The following GRM5 variants were observed in gnomAD, a reference collection of about 807,000 sequenced individuals.
GRM5 encodes metabotropic glutamate receptor 5.
A neutral mutation model predicts 83.1 loss-of-function variants in GRM5; 19 were observed. The observed-to-expected ratio is 0.23, with a 90% CI of 0.16 to 0.34. GRM5 has a LOEUF of 0.34. GRM5 is among the 10% of genes least tolerant of loss of function. The probability of loss-of-function intolerance (pLI) is 1.00; values close to 1 mark genes in which losing one functional copy is unlikely to be tolerated. For synonymous variants in GRM5, 675 were observed against 633.6 expected, an observed-to-expected ratio of 1.07 and a Z score of -0.98; for missense variants, 1,160 against 1,588.3, an observed-to-expected ratio of 0.73 and a Z score of 4.58.
intron 9 of GRM5, among the ~76,000 whole-genome samples, chr11:88,524,664 A>G (rs1406293636): frequency 1.3e-5 from 2 of 152,374 alleles, no homozygotes; most frequent in Admixed American, 1.3e-4. Context: ...GAACATGCAC[A>G]GCACAGCGAC....
Position 88,508,657 on chromosome 11 carries a change from G to A in GRM5, c.3574C>T (p.Pro1192Ser). 4.3e-6 allele frequency: 7 copies of A among 1,609,506 alleles called. No homozygotes were observed. The highest frequency in any genetic ancestry group is 5.9e-6 in the Non-Finnish European group (7 of 1,177,994). The change falls in exon 10 of 10, where the codon CCG becomes TCG. Residue 1192 changes from proline (P) to serine (S), a missense_variant. Pro to Ser is a moderately conservative substitution (Grantham distance 74). Transcript: ENST00000305447. This position sits in a 1 kb window ranked among gnomAD's most constrained non-coding sequence, Gnocchi z 4.2. ...AGAGTGTCATATTTGGGAGACGACG[G>A]GATACAGAGGGCCGACTCGGACACT... ...SPVSESALCIPSSPKYDTLII... is the reference protein window; with the variant it reads ...SPVSESALCISSSPKYDTLII...
chr11:88,581,535 T>C (rs568290832), intron 7 of GRM5, among the ~76,000 whole-genome samples: 4 of 152,228 alleles, frequency 2.6e-5, no homozygotes, highest in African/African-American at 4.8e-5. Flanking sequence ...GATTGGTATT[T>C]TATGCAGCAC....
chr11:88,955,792 C>T (rs1407630880), intron 2 of GRM5, among the ~76,000 whole-genome samples: 1 of 152,180 alleles, frequency 6.6e-6, no homozygotes, highest in Non-Finnish European at 1.5e-5. Flanking sequence ...TCTTTTCTCT[C>T]ATCAGAATTC....
intron 3 of GRM5, among the ~76,000 whole-genome samples, chr11:88,653,971 G>A (rs1022227203): frequency 6.6e-6 from 1 of 152,036 alleles, no homozygotes; most frequent in East Asian, 1.9e-4. Flanking sequence ...CCCAAGCCTC[G>A]AACTGAAATC....
rs76641666 is a variant in GRM5, at chr11:88,525,771, A to G, written c.2631-367T>C. ...ATTCAGTGCTTACCATGTGTCAGAC[A>G]CTATGCTAGAACTTTACCTAAATTG... On this transcript the variant is annotated intron_variant, in intron 8 of 9. Coordinates refer to ENST00000305447, the MANE Select transcript of GRM5 (RefSeq NM_001143831.3). Among the ~76,000 whole-genome samples, 600 of 152,364 alleles carry G rather than the reference A, an allele frequency of 3.9e-3. 5 individuals are homozygous for G. The highest frequency in any genetic ancestry group is 0.014 in the African/African-American group (574 of 41,586).
chr11:88,727,070 C>T (rs1269406062), intron 3 of GRM5, among the ~76,000 whole-genome samples: 1 of 152,144 alleles, frequency 6.6e-6, no homozygotes, highest in African/African-American at 2.4e-5. Flanking sequence ...GGGCTAAATG[C>T]CTCAATTAAA....
intron 3 of GRM5, among the ~76,000 whole-genome samples, chr11:88,825,046 G>C (rs1245029014): frequency 1.3e-5 from 2 of 152,112 alleles, no homozygotes; most frequent in Non-Finnish European, 2.9e-5. Flanking sequence ...CACTAAGCAC[G>C]AAGTTTGCAA....
intron 3 of GRM5, among the ~76,000 whole-genome samples, chr11:88,709,483 C>A (rs909882481): frequency 6.6e-6 from 1 of 151,994 alleles, no homozygotes; most frequent in East Asian, 1.9e-4. Flanking sequence ...AGAAAGTAGG[C>A]AACTACACTG....
At chr11:89,021,796 T>A (rs2135109394) in intron 2 of GRM5, among the ~76,000 whole-genome samples, 1 of 152,320 alleles carries the variant, frequency 6.6e-6, no homozygotes, top group South Asian at 2.1e-4. Flanking sequence ...GGTTATAACG[T>A]CTTCCTCACA....
chr11:88,827,971 G>A (rs2135516608), intron 3 of GRM5, among the ~76,000 whole-genome samples: 1 of 152,264 alleles, frequency 6.6e-6, no homozygotes, highest in Non-Finnish European at 1.5e-5. Context: ...TAAATGTGAT[G>A]GTCAGAGATG....
chr11:88,850,684 T>C (rs992391336), intron 2 of GRM5, among the ~76,000 whole-genome samples: 11 of 151,004 alleles, frequency 7.3e-5, no homozygotes, highest in African/African-American at 2.4e-4. Flanking sequence ...GAATTTATGG[T>C]TTGGTCTTAA....
chr11:88,940,802 G>T lies in GRM5; in HGVS notation c.662-90647C>A, dbSNP rs574940936. ...GTATATTGAAAAAAAGTGACTAAAC[G>T]TACATATTTTGATAAATAAGAATAT... On this transcript the variant is annotated intron_variant, in intron 2 of 9. Coordinates refer to ENST00000305447, the MANE Select transcript of GRM5 (RefSeq NM_001143831.3). Among the ~76,000 whole-genome samples the T allele has an allele frequency of 2.6e-5, 4 of 151,922 alleles. No homozygotes were observed. In the East Asian group the frequency reaches 7.8e-4, roughly 29 times the overall value.
At chr11:88,605,930 G>A (rs1320154901) in intron 4 of GRM5, among the ~76,000 whole-genome samples, 1 of 152,164 alleles carries the variant, frequency 6.6e-6, no homozygotes, top group Non-Finnish European at 1.5e-5. Flanking sequence ...TAGAGTCTAA[G>A]GGCAGATGAG....
chr11:88,621,408 C>G (rs1465604691), intron 4 of GRM5, among the ~76,000 whole-genome samples: 3 of 152,136 alleles, frequency 2.0e-5, no homozygotes, highest in Non-Finnish European at 4.4e-5. Flanking sequence ...GATAGCCTTT[C>G]CCAGGTAGAA....
rs577375740 is a variant in GRM5 at position 88,817,373 on chromosome 11, A to G, written c.911+32533T>C. Among the ~76,000 whole-genome samples, 5 of 152,172 alleles carry G rather than the reference A, an allele frequency of 3.3e-5. No individual in the cohort carries two copies. The East Asian group carries it at 7.7e-4, about 24-fold the overall frequency. On this transcript the variant is annotated intron_variant, in intron 3 of 9. Coordinates refer to ENST00000305447, the MANE Select transcript of GRM5 (RefSeq NM_001143831.3). ...TTTTTCTATTGATTATTTTTCCACC[A>G]GACTTCTTTGTTTGAACTTGTGGAC...
intron 1 of GRM5, among the ~76,000 whole-genome samples, chr11:89,052,526 T>A (rs138059439): frequency 0.025 from 3,841 of 152,286 alleles, 170 homozygotes; most frequent in African/African-American, 0.088. Flanking sequence ...ATATTCCATG[T>A]ACATTCTATA....
intron 8 of GRM5, among the ~76,000 whole-genome samples, chr11:88,546,102 A>G (rs771518254): frequency 2.0e-5 from 3 of 152,042 alleles, no homozygotes; most frequent in Non-Finnish European, 4.4e-5. Flanking sequence ...TCCACCTCCC[A>G]GAACTCTGTG....
At chr11:88,803,276 C>G (rs1014494792) in intron 3 of GRM5, among the ~76,000 whole-genome samples, 2 of 151,658 alleles carry the variant, frequency 1.3e-5, no homozygotes, top group Non-Finnish European at 2.9e-5. Flanking sequence ...CGCTACCTGA[C>G]TTCAAAGTAT....
intron 8 of GRM5, among the ~76,000 whole-genome samples, chr11:88,541,798 C>G (rs1389154691): frequency 6.6e-6 from 1 of 152,022 alleles, no homozygotes; most frequent in Non-Finnish European, 1.5e-5. Context: ...GCTCTCTGTC[C>G]CCACTCAAAT....
Sources: gnomAD v4.1 joint callset for allele counts (sites outside exome capture counted in the v4.1 genomes callset) on GRCh38, gnomAD v4.1.1 for gene constraint, Gnocchi (gnomAD v3.1) non-coding constraint, MANE v1.5 for transcripts, NCBI Gene and HGNC (gene_info 2026-07-23, HGNC 2026-07-21) for gene names.